Variants in PSD2 observed in about 807,000 individuals in gnomAD.
PSD2 encodes the protein PH and SEC7 domain-containing protein 2.
A neutral mutation model predicts 69.8 loss-of-function variants in PSD2; 38 were observed. The observed-to-expected ratio is 0.54, with a 90% CI of 0.42 to 0.71. PSD2 has a LOEUF of 0.71. Among genes scored for constraint, PSD2 ranks in the 30% least tolerant of loss-of-function variants. The pLI is 0.00. For missense variants in PSD2, 943 were observed against 1,014.5 expected (o/e 0.93, Z 0.96); for synonymous variants, 412 against 423.0 (o/e 0.97, Z 0.32).
In PSD2 at chr5:139,835,735, T is replaced by G; in HGVS notation, c.1372T>G (p.Ser458Ala). 2 of 1,614,004 alleles carry G rather than the reference T, an allele frequency of 1.2e-6. No homozygotes were observed. The highest frequency in any genetic ancestry group is 1.7e-6 in the Non-Finnish European group (2 of 1,179,966). The change falls in exon 9 of 15, where the codon TCC becomes GCC. Residue 458 changes from serine (S) to alanine (A), a missense_variant. Coordinates refer to ENST00000274710, the MANE Select transcript of PSD2 (RefSeq NM_032289.4). ...AKDLLKTLYN[S>A]IKNEKLEWAI... ...TTCCCTCTCCCAGACCCTTTACAACTCCATCAAGAATGAAAAGCTGGAATG... is the reference window on the plus strand; with the variant it reads ...TTCCCTCTCCCAGACCCTTTACAACGCCATCAAGAATGAAAAGCTGGAATG...
At position 139,837,515 on chromosome 5, in the gene PSD2, C is replaced by T; in HGVS notation, c.1666-110C>T. The T allele has an allele frequency of 1.7e-6, 2 of 1,200,170 alleles. No individual in the cohort carries two copies. Among genetic ancestry groups the T allele is most frequent in the Non-Finnish European group, 2.3e-6 (2 of 854,014 alleles). The allele number at this position is 1,200,170 out of a possible 1,614,324, so 74.3% of individuals were successfully genotyped here. Reference sequence around the variant, plus strand: ...ATTCTTGTTGGGGTGGGTGAGGCAGCAGGAACAGAAAATTAAGGGAGCCGT... The same window carrying T: ...ATTCTTGTTGGGGTGGGTGAGGCAGTAGGAACAGAAAATTAAGGGAGCCGT... On this transcript the variant is annotated intron_variant, in intron 11 of 14. Coordinates refer to ENST00000274710, the MANE Select transcript of PSD2 (RefSeq NM_032289.4). This position sits in a 1 kb window ranked among gnomAD's most constrained non-coding sequence, Gnocchi z 5.0.
upstream of PSD2, among the ~76,000 whole-genome samples, chr5:139,794,939 G>T (rs538653377): frequency 7.1e-4 from 108 of 152,290 alleles, no homozygotes; most frequent in Non-Finnish European, 1.2e-3. Context: ...CTGGGCTGAG[G>T]GGGGCGGCTT....
the PSD2 span, among the ~76,000 whole-genome samples, chr5:139,770,553 G>A: frequency 1.2e-4 from 19 of 152,244 alleles, 1 homozygote; most frequent in Admixed American, 9.2e-4. Context: ...GCAACAGAGC[G>A]AGACTCCGTG....
chr5:139,817,550 C>T lies in PSD2; in HGVS notation c.1086C>T (p.Asp362=), dbSNP rs747518596. 3.6e-5 allele frequency: 58 copies of T among 1,613,746 alleles called. No homozygotes were observed. Among genetic ancestry groups the T allele is most frequent in the South Asian group, 4.4e-5 (4 of 91,070 alleles). ...SFFDFSGLTL[D]GALRTFLKAF... ...TCGACTTCTCGGGCTTGACTCTGGA[C>T]GGAGCACTCAGGTCAGTGGGGCTGG... Residue 362 remains aspartate, a synonymous_variant, in exon 5 of 15, where the codon GAC becomes GAT. Coordinates refer to ENST00000274710, the MANE Select transcript of PSD2 (RefSeq NM_032289.4).
the PSD2 span, among the ~76,000 whole-genome samples, chr5:139,757,507 G>A: frequency 1.3e-5 from 2 of 152,170 alleles, no homozygotes; most frequent in Non-Finnish European, 2.9e-5. Flanking sequence ...GGCAGTCCCT[G>A]AAGGGAATGG....
At chr5:139,798,973 T>G (rs1759599308) in intron 1 of PSD2, among the ~76,000 whole-genome samples, 1 of 152,030 alleles carries the variant, frequency 6.6e-6, no homozygotes, top group Admixed American at 6.6e-5. Context: ...TTTTTTGAGA[T>G]TTTTTTTAAT....
At chr5:139,768,671 C>T in the PSD2 span, among the ~76,000 whole-genome samples, 2 of 150,778 alleles carry the variant, frequency 1.3e-5, no homozygotes, top group African/African-American at 2.4e-5. Flanking sequence ...TGCTGTGAGC[C>T]GAGATCAAGC....
chr5:139,831,396 A>G (rs1433216592), intron 7 of PSD2, among the ~76,000 whole-genome samples: 1 of 152,208 alleles, frequency 6.6e-6, no homozygotes, highest in Non-Finnish European at 1.5e-5. Flanking sequence ...TTAATGAATT[A>G]TGATATATTT....
chr5:139,751,614 T>G, the PSD2 span, among the ~76,000 whole-genome samples: 1 of 152,178 alleles, frequency 6.6e-6, no homozygotes, highest in African/African-American at 2.4e-5. Flanking sequence ...AGTTTTGGTA[T>G]CTACAAAGTG....
the PSD2 span, among the ~76,000 whole-genome samples, chr5:139,787,974 C>A: frequency 2.6e-5 from 4 of 152,226 alleles, no homozygotes. Context: ...TTTTGAGTGC[C>A]TGCGGCTGAA....
the PSD2 span, among the ~76,000 whole-genome samples, chr5:139,765,870 G>T: frequency 6.6e-6 from 1 of 151,786 alleles, no homozygotes; most frequent in Non-Finnish European, 1.5e-5. Flanking sequence ...GAAGGGGCGC[G>T]CGCCCTCTGG....
At chr5:139,817,293 T>C (rs1760144797) in intron 4 of PSD2, among the ~76,000 whole-genome samples, 188 bp from the exon 5 acceptor site, 1 of 148,758 alleles carries the variant, frequency 6.7e-6, no homozygotes, top group Non-Finnish European at 1.5e-5. Context: ...CATCACCTCC[T>C]CCAGAAAGCC....
chr5:139,807,912 G>A (rs779238761), intron 1 of PSD2, among the ~76,000 whole-genome samples: 3 of 152,202 alleles, frequency 2.0e-5, no homozygotes, highest in Admixed American at 6.5e-5. Flanking sequence ...CTTCTGGTTC[G>A]GGAGGTCTGG....
the PSD2 span, among the ~76,000 whole-genome samples, chr5:139,762,092 G>C: frequency 6.6e-6 from 1 of 152,098 alleles, no homozygotes; most frequent in African/African-American, 2.4e-5. Context: ...TGCCAGGCTG[G>C]AGTGCAGTGG....
chr5:139,750,713 G>T, the PSD2 span, among the ~76,000 whole-genome samples: 2 of 152,228 alleles, frequency 1.3e-5, no homozygotes, highest in East Asian at 1.9e-4. Context: ...TGGGATGATG[G>T]TTCAGGGAAA....
chr5:139,752,943 T>G, the PSD2 span, among the ~76,000 whole-genome samples: 2 of 71,314 alleles, frequency 2.8e-5, no homozygotes, highest in East Asian at 3.8e-4. Context: ...CTCCGCCCCC[T>G]ACCCCCCATA....
At chr5:139,776,194 C>T in the PSD2 span, among the ~76,000 whole-genome samples, 1 of 152,248 alleles carries the variant, frequency 6.6e-6, no homozygotes, top group East Asian at 1.9e-4. Context: ...TGGCTGAGCC[C>T]CTGGCCTGCT....
At chr5:139,745,847 A>G in the PSD2 span, among the ~76,000 whole-genome samples, 1 of 152,214 alleles carries the variant, frequency 6.6e-6, no homozygotes, top group Non-Finnish European at 1.5e-5. Flanking sequence ...CGGGGTTTCC[A>G]ACATGATGGT....
intron 7 of PSD2, among the ~76,000 whole-genome samples, chr5:139,833,216 C>T (rs753263417): frequency 3.3e-5 from 5 of 151,996 alleles, no homozygotes; most frequent in African/African-American, 7.3e-5. Flanking sequence ...CGTGGAGTAG[C>T]GGTGAGAGCA....
Sources: gnomAD v4.1 joint callset for allele counts (sites outside exome capture counted in the v4.1 genomes callset) on GRCh38, gnomAD v4.1.1 for gene constraint, Gnocchi (gnomAD v3.1) non-coding constraint, MANE v1.5 for transcripts, NCBI Gene and HGNC (gene_info 2026-07-23, HGNC 2026-07-21) for gene names.